Variants in PCDHGA1 observed in about 807,000 individuals in gnomAD.
The protein encoded by PCDHGA1 is protocadherin gamma-A1.
Under a neutral mutation model 58.0 loss-of-function variants are expected in PCDHGA1, and 32 were observed. That is an observed-to-expected ratio of 0.55 (90% CI 0.42 to 0.74). The LOEUF (loss-of-function observed/expected upper bound fraction) is 0.74, where lower values mean the gene tolerates loss of function less well. PCDHGA1 is among the 30% of genes least tolerant of loss of function. The pLI, the probability that PCDHGA1 is intolerant of heterozygous loss-of-function variation, is 0.00. For synonymous variants in PCDHGA1, 498 were observed against 501.1 expected (o/e 0.99, Z 0.08); for missense variants, 1,205 against 1,182.3 (o/e 1.02, Z -0.28).
intron 1 of PCDHGA1, chr5:141,382,716 C>A (rs11575956): frequency 2.0e-6 from 1 of 488,008 alleles, no homozygotes; most frequent in Non-Finnish European, 3.5e-6. Context: ...CAGAAACCAC[C>A]GAGTTTTACA....
Position 141,397,017 on chromosome 5 carries a change from G to T in PCDHGA1, c.2421+63912G>T, listed in dbSNP as rs149652099. On this transcript the variant is annotated intron_variant, in intron 1 of 3. Transcript: ENST00000517417. ...TAATCTGACAAATGGACTAAAGAAG[G>T]TTGACCAATGTCCACAAATTTATGT... Among the ~76,000 whole-genome samples, 399 of 152,296 alleles carry T rather than the reference G, an allele frequency of 2.6e-3. 1 individual carries two copies. Among genetic ancestry groups the T allele is most frequent in the Non-Finnish European group, 4.1e-3 (279 of 68,028 alleles).
chr5:141,364,808 G>A (rs1235589231), intron 1 of PCDHGA1: 2 of 1,614,026 alleles, frequency 1.2e-6, no homozygotes, highest in East Asian at 2.2e-5. Context: ...CGCGCGGGAT[G>A]CGGATGTGGG....
At chr5:141,454,941 G>A (rs2098807517) in intron 1 of PCDHGA1, among the ~76,000 whole-genome samples, 1 of 150,970 alleles carries the variant, frequency 6.6e-6, no homozygotes, top group Non-Finnish European at 1.5e-5. Flanking sequence ...CCGAGTAGCT[G>A]GGACTACAGG....
intron 1 of PCDHGA1, among the ~76,000 whole-genome samples, chr5:141,468,758 C>T (rs929005462): frequency 6.6e-5 from 10 of 151,684 alleles, no homozygotes; most frequent in African/African-American, 2.2e-4. Context: ...CCCAGCTACT[C>T]GGGAGGCTGA....
rs777568111 is a variant in PCDHGA1 at position 141,404,292 on chromosome 5, A to G, written c.2421+71187A>G. On this transcript the variant is annotated intron_variant, in intron 1 of 3. Coordinates refer to ENST00000517417, the MANE Select transcript of PCDHGA1 (RefSeq NM_018912.3). ...ACCCTGCAAGTGACTGACATCAATG[A>G]TAATCCACCTGCTTTCTCTCAAGCC... 2.5e-6 allele frequency: 4 copies of G among 1,613,864 alleles called. No homozygotes were observed. Among genetic ancestry groups the G allele is most frequent in the South Asian group, 1.1e-5 (1 of 91,082 alleles).
At chr5:141,444,637 G>C (rs2098443357) in intron 1 of PCDHGA1, among the ~76,000 whole-genome samples, 1 of 152,236 alleles carries the variant, frequency 6.6e-6, no homozygotes, top group Non-Finnish European at 1.5e-5. Context: ...CCAGTTCATT[G>C]AGGTAGGGGT....
chr5:141,347,277 C>T (rs1346582461), intron 1 of PCDHGA1, among the ~76,000 whole-genome samples: 2 of 151,850 alleles, frequency 1.3e-5, no homozygotes, highest in Non-Finnish European at 2.9e-5. Flanking sequence ...CCTCAGCCTC[C>T]CGAGTAGCTG....
In PCDHGA1 at chr5:141,431,710, G is replaced by A. The variant is rs1249423969; in HGVS notation, c.2422-63097G>A. On this transcript the variant is annotated intron_variant, in intron 1 of 3. Coordinates refer to ENST00000517417, the MANE Select transcript of PCDHGA1 (RefSeq NM_018912.3). The surrounding 1 kb of genome is among the most constrained non-coding windows in gnomAD (Gnocchi z 4.8). ...ACGAGGAGTCAGGATTCTACCAGAT[G>A]GAAGTGCAAGCAATGGATAATGCAG... is the stretch of plus-strand genomic sequence containing the variant. 3.1e-6 allele frequency: 5 copies of A among 1,614,116 alleles called. No individual in the cohort carries two copies. Among genetic ancestry groups the A allele is most frequent in the South Asian group, 1.1e-5 (1 of 91,088 alleles).
intron 1 of PCDHGA1, chr5:141,346,506 G>A (rs768849067): frequency 1.2e-6 from 2 of 1,609,240 alleles, no homozygotes; most frequent in Non-Finnish European, 1.7e-6. Flanking sequence ...TGAGAATGTG[G>A]TTATTATAAA....
chr5:141,484,907 C>T, intron 1 of PCDHGA1: 1 of 409,994 alleles, frequency 2.4e-6, no homozygotes, highest in Non-Finnish European at 4.3e-6. Context: ...AATGCTGCGA[C>T]GCATTAACCC....
intron 1 of PCDHGA1, chr5:141,417,647 C>T: frequency 2.5e-6 from 2 of 812,384 alleles, no homozygotes; most frequent in Non-Finnish European, 3.7e-6. Context: ...ATCCCTCAGC[C>T]TCTAGCCTGG....
intron 1 of PCDHGA1, chr5:141,385,308 C>G: frequency 1.9e-6 from 3 of 1,612,216 alleles, no homozygotes; most frequent in Non-Finnish European, 2.5e-6. Context: ...GTAAAGAAAA[C>G]CTGCCAAGTA....
chr5:141,376,374 G>T lies in PCDHGA1; in HGVS notation c.2421+43269G>T, dbSNP rs561821467. Reference sequence around the variant, plus strand: ...GAGGTCTCACTCACTGCAGACTCGCGTAAGAGTCATCTGATTTTCCCCCAG... The same window carrying T: ...GAGGTCTCACTCACTGCAGACTCGCTTAAGAGTCATCTGATTTTCCCCCAG... On this transcript the variant is annotated intron_variant, in intron 1 of 3. Transcript: ENST00000517417. The T allele has an allele frequency of 2.0e-5, 32 of 1,614,190 alleles. No homozygotes were observed. In the African/African-American group the frequency reaches 3.2e-4, roughly 16 times the overall value.
chr5:141,473,974 C>G (rs958240236), intron 1 of PCDHGA1, among the ~76,000 whole-genome samples: 33 of 152,054 alleles, frequency 2.2e-4, no homozygotes, highest in Admixed American at 2.2e-3. Context: ...AAGTCTGAGG[C>G]GGGAGGATCC....
intron 1 of PCDHGA1, chr5:141,345,349 C>G (rs1040272495): frequency 1.9e-6 from 3 of 1,613,964 alleles, no homozygotes; most frequent in Non-Finnish European, 2.5e-6. Flanking sequence ...ACTCACATCA[C>G]CCTGCATGTG....
chr5:141,423,940 G>A (rs937456850), intron 1 of PCDHGA1: 1 of 1,217,098 alleles, frequency 8.2e-7, no homozygotes, highest in Non-Finnish European at 1.0e-6. Flanking sequence ...TTTGAAGTAA[G>A]TTGAATTTTA....
At position 141,371,721 on chromosome 5, in the gene PCDHGA1, C is replaced by T. The variant is rs199558038; in HGVS notation, c.2421+38616C>T. 1,426 of 1,614,084 alleles carry T rather than the reference C, an allele frequency of 8.8e-4. 23 individuals are homozygous for T. In the South Asian group the frequency reaches 0.014, roughly 16 times the overall value. On this transcript the variant is annotated intron_variant, in intron 1 of 3. Coordinates refer to ENST00000517417, the MANE Select transcript of PCDHGA1 (RefSeq NM_018912.3). ...CAGCAAGACCATCACTCTGCACATCCTTGATGTCAACGACAACGTTCCCGT... is the reference window on the plus strand; with the variant it reads ...CAGCAAGACCATCACTCTGCACATCTTTGATGTCAACGACAACGTTCCCGT...
intron 1 of PCDHGA1, among the ~76,000 whole-genome samples, chr5:141,488,802 A>G (rs910422824): frequency 2.0e-5 from 3 of 152,294 alleles, no homozygotes; most frequent in Middle Eastern, 3.4e-3. Flanking sequence ...CCTGTTGAGT[A>G]CCATCTGAGC....
intron 1 of PCDHGA1, chr5:141,385,038 G>T (rs377185831): frequency 1.2e-6 from 2 of 1,614,020 alleles, no homozygotes; most frequent in Admixed American, 1.7e-5. Context: ...TACTGCTGGC[G>T]CTCAGGCTGC....
Sources: gnomAD v4.1 joint callset for allele counts (sites outside exome capture counted in the v4.1 genomes callset) on GRCh38, gnomAD v4.1.1 for gene constraint, Gnocchi (gnomAD v3.1) non-coding constraint, MANE v1.5 for transcripts, NCBI Gene and HGNC (gene_info 2026-07-23, HGNC 2026-07-21) for gene names.